Variants in STK33 observed in about 807,000 individuals in gnomAD.
STK33 encodes serine/threonine-protein kinase 33.
STK33 carries 52 observed loss-of-function variants against 58.0 expected under a neutral mutation model. That is an observed-to-expected ratio of 0.90 (90% CI 0.72 to 1.13). STK33 has a LOEUF of 1.13. STK33 is among the 50% of genes most tolerant of loss of function. The probability of loss-of-function intolerance (pLI) is 0.00; values close to 1 mark genes in which losing one functional copy is unlikely to be tolerated. For synonymous variants in STK33, 215 were observed against 200.1 expected (o/e 1.07, Z -0.63); for missense variants, 630 against 604.2 (o/e 1.04, Z -0.45).
At chr11:8,351,304 C>T in the STK33 span, among the ~76,000 whole-genome samples, 2 of 152,324 alleles carry the variant, frequency 1.3e-5, no homozygotes, top group East Asian at 3.9e-4. Context: ...CTTACCCACC[C>T]CTACCTCTAC....
intron 2 of STK33, among the ~76,000 whole-genome samples, chr11:8,479,650 C>G (rs907601224): frequency 6.6e-6 from 1 of 152,006 alleles, no homozygotes. Flanking sequence ...CGAGATCAGC[C>G]TGGCCAATAT....
chr11:8,538,440 A>G (rs763195526), intron 1 of STK33, among the ~76,000 whole-genome samples: 1 of 152,228 alleles, frequency 6.6e-6, no homozygotes, highest in African/African-American at 2.4e-5. Flanking sequence ...TGCTGTTGAA[A>G]TCAGTATGCC....
At position 8,392,699 on chromosome 11, in the gene STK33, A is replaced by G. The variant is rs774189385; in HGVS notation, c.1356T>C (p.Tyr452=). The change falls in exon 16 of 16, where the codon TAT becomes TAC. Residue 452 remains tyrosine, a synonymous_variant. Transcript: ENST00000687296. ...DEEEEKQSTA[Y]EKQFPATSKD... Reference sequence around the variant, plus strand: ...TACTGGTTGCAGGAAATTGCTTTTCATAAGCAGTAGACTGCAAATAAAAGG... The same window carrying G: ...TACTGGTTGCAGGAAATTGCTTTTCGTAAGCAGTAGACTGCAAATAAAAGG... The G allele has an allele frequency of 2.5e-6, 4 of 1,614,244 alleles. No homozygotes were observed. Among genetic ancestry groups the G allele is most frequent in the Non-Finnish European group, 3.4e-6 (4 of 1,180,042 alleles).
chr11:8,448,209 A>G (rs1945767247), intron 11 of STK33, among the ~76,000 whole-genome samples: 1 of 152,196 alleles, frequency 6.6e-6, no homozygotes, highest in South Asian at 2.1e-4. Context: ...CATACTGTCC[A>G]AGGTAATTTA....
At chr11:8,443,514 C>T (rs11828691) in intron 11 of STK33, among the ~76,000 whole-genome samples, 2,326 of 151,760 alleles carry the variant, frequency 0.015, 52 homozygotes, top group African/African-American at 0.053. Context: ...TCTAAAAACA[C>T]TTATAAATAA....
chr11:8,383,309 A>G, the STK33 span, among the ~76,000 whole-genome samples: 1 of 152,200 alleles, frequency 6.6e-6, no homozygotes, highest in South Asian at 2.1e-4. Context: ...AGAGGCCTTT[A>G]AAGAGCTCCA....
intron 11 of STK33, among the ~76,000 whole-genome samples, chr11:8,446,285 G>C (rs1945452617): frequency 6.6e-6 from 1 of 151,254 alleles, no homozygotes; most frequent in South Asian, 2.1e-4. Context: ...TTATTAGTCT[G>C]GCTAGTAGTC....
intron 10 of STK33, among the ~76,000 whole-genome samples, chr11:8,453,312 T>C (rs1215656285): frequency 6.6e-6 from 1 of 152,214 alleles, no homozygotes; most frequent in Non-Finnish European, 1.5e-5. Context: ...ATAATCAAGT[T>C]ATATTCCAGT....
At chr11:8,536,962 A>G (rs1198676940) in intron 1 of STK33, among the ~76,000 whole-genome samples, 14 of 137,398 alleles carry the variant, frequency 1.0e-4, no homozygotes, top group African/African-American at 3.4e-4. Flanking sequence ...AAAAAAAAAA[A>G]AAAAAAAAGA....
the STK33 span, among the ~76,000 whole-genome samples, chr11:8,354,514 A>ACACACACACACACACC: frequency 7.6e-6 from 1 of 131,674 alleles, no homozygotes; most frequent in Non-Finnish European, 1.7e-5. Flanking sequence ...ACACACACAC[A>ACACACACACACACACC]CACCCCTCAG....
chr11:8,391,091 A>G (rs1848614924), downstream of STK33, among the ~76,000 whole-genome samples: 1 of 152,154 alleles, frequency 6.6e-6, no homozygotes, highest in Admixed American at 6.6e-5. Flanking sequence ...CTACTAGGGA[A>G]GGGAAGGCTC....
At chr11:8,376,440 C>T in the STK33 span, among the ~76,000 whole-genome samples, 1 of 152,150 alleles carries the variant, frequency 6.6e-6, no homozygotes. Context: ...GTTCTCCGAG[C>T]TCTCCTTCCC....
At chr11:8,463,287 A>G (rs79734957) in intron 7 of STK33, among the ~76,000 whole-genome samples, 4 of 152,220 alleles carry the variant, frequency 2.6e-5, no homozygotes, top group Non-Finnish European at 5.9e-5. Context: ...ACCTCAGATC[A>G]TCAGGCATTA....
chr11:8,399,247 A>C (rs1218950063), intron 15 of STK33, among the ~76,000 whole-genome samples: 5 of 152,146 alleles, frequency 3.3e-5, no homozygotes, highest in East Asian at 1.9e-4. Flanking sequence ...TGTAAAAGAA[A>C]AGAAATTATA....
At chr11:8,579,345 T>C (rs1038532995) in intron 1 of STK33, among the ~76,000 whole-genome samples, 4 of 152,076 alleles carry the variant, frequency 2.6e-5, no homozygotes, top group Admixed American at 1.3e-4. Context: ...ATGCCACCAA[T>C]TTATACTTGT....
At chr11:8,392,771 T>C (rs1171672827) in intron 15 of STK33, 61 bp from the exon 16 acceptor site, 3 of 1,556,720 alleles carry the variant, frequency 1.9e-6, no homozygotes, top group African/African-American at 1.4e-5. Flanking sequence ...AATTCAAAGA[T>C]GCAAGGAACT....
intron 1 of STK33, among the ~76,000 whole-genome samples, chr11:8,552,287 G>C (rs571199330): frequency 6.6e-6 from 1 of 152,134 alleles, no homozygotes; most frequent in Non-Finnish European, 1.5e-5. Flanking sequence ...GGGTTTCTCA[G>C]CTTCTCCTCC....
chr11:8,435,392 C>A, intron 14 of STK33, 102 bp downstream of exon 14: 1 of 574,302 alleles, frequency 1.7e-6, no homozygotes. Context: ...GAAAATCAAA[C>A]TAATTGACTG....
intron 1 of STK33, among the ~76,000 whole-genome samples, chr11:8,518,135 A>C (rs574071633): frequency 6.6e-6 from 1 of 152,168 alleles, no homozygotes; most frequent in South Asian, 2.1e-4. Context: ...AGACTAACAG[A>C]GGATCTCTTG....
Sources: allele counts gnomAD v4.1 joint callset (sites outside exome capture counted in the v4.1 genomes callset), GRCh38; gene constraint gnomAD v4.1.1; transcripts MANE v1.5; gene names NCBI Gene and HGNC (gene_info 2026-07-23, HGNC 2026-07-21).